Variants in LYPD6B observed in about 807,000 individuals in gnomAD.
LYPD6B encodes LY6/PLAUR domain containing 6B.
LYPD6B carries 17 observed loss-of-function variants against 22.8 expected under a neutral mutation model. The ratio of observed to expected loss-of-function variants is 0.75; its 90% CI spans 0.51 to 1.12. The LOEUF (loss-of-function observed/expected upper bound fraction) is 1.12, where lower values mean the gene tolerates loss of function less well. LYPD6B is among the 50% of genes most tolerant of loss of function. The pLI is 0.00. For synonymous variants in LYPD6B, 106 were observed against 91.6 expected (o/e 1.16, Z -0.90); for missense variants, 221 against 258.3 (o/e 0.86, Z 0.99).
intron 2 of LYPD6B, among the ~76,000 whole-genome samples, chr2:149,140,073 C>A (rs1479046880): frequency 1.3e-5 from 2 of 151,990 alleles, no homozygotes; most frequent in African/African-American, 4.8e-5. Context: ...AATTTATTGG[C>A]CTGACACCAG....
chr2:149,051,273 C>T (rs1683541548), intron 1 of LYPD6B, among the ~76,000 whole-genome samples: 1 of 151,930 alleles, frequency 6.6e-6, no homozygotes, highest in African/African-American at 2.4e-5. Context: ...TCACACCGTT[C>T]TCCTGCTCAG....
In LYPD6B at chr2:149,160,801, G is replaced by C; in HGVS notation, c.43G>C (p.Glu15Gln). ...GAGTGCAAACCTTTTCACTGTTCCA[G>C]AGAGGAGCCTGACAACCACATTCTC... ...TLSANLFTVP[E>Q]RSLTTTFSFS... is the part of the protein sequence containing the mutation. Residue 15 changes from glutamate to glutamine, a missense_variant, in exon 3 of 7, where the codon GAG becomes CAG. Coordinates refer to ENST00000409642, the MANE Select transcript of LYPD6B (RefSeq NM_177964.5). 7 of 1,556,486 alleles carry C rather than the reference G, an allele frequency of 4.5e-6. No individual in the cohort carries two copies. In the South Asian group the frequency reaches 8.3e-5, roughly 18 times the overall value.
intron 1 of LYPD6B, among the ~76,000 whole-genome samples, chr2:149,051,289 C>T (rs1055065059): frequency 1.5e-4 from 23 of 151,846 alleles, no homozygotes; most frequent in African/African-American, 5.1e-4. Flanking sequence ...CTCAGCTTCC[C>T]GAATAGCTGG....
intron 1 of LYPD6B, among the ~76,000 whole-genome samples, chr2:149,098,697 A>T (rs1248330714): frequency 6.7e-6 from 1 of 149,398 alleles, no homozygotes; most frequent in African/African-American, 2.4e-5. Context: ...AGTTAAGCTT[A>T]TCTATTGCAT....
intron 1 of LYPD6B, among the ~76,000 whole-genome samples, chr2:149,056,775 A>G (rs1344224636): frequency 6.6e-6 from 1 of 152,118 alleles, no homozygotes; most frequent in Non-Finnish European, 1.5e-5. Context: ...GTTCATCTTC[A>G]ATATGACTCG....
At chr2:149,077,164 T>G (rs1574924330) in intron 1 of LYPD6B, among the ~76,000 whole-genome samples, 1 of 152,198 alleles carries the variant, frequency 6.6e-6, no homozygotes, top group African/African-American at 2.4e-5. Context: ...CAGAACGCCC[T>G]GGCAGCTAAT....
intron 2 of LYPD6B, among the ~76,000 whole-genome samples, chr2:149,137,110 C>G (rs993727960): frequency 1.3e-5 from 2 of 152,176 alleles, no homozygotes; most frequent in Non-Finnish European, 2.9e-5. Flanking sequence ...TGAGCATCTG[C>G]TATTTTCTAG....
At chr2:149,183,770 G>A (rs13006546) in intron 3 of LYPD6B, among the ~76,000 whole-genome samples, 47,086 of 151,818 alleles carry the variant, frequency 0.31, 9,081 homozygotes, top group East Asian at 0.56. Flanking sequence ...CTCATATAGC[G>A]CACAGTAAGT....
chr2:149,188,035 G>A (rs1051805038), intron 3 of LYPD6B, among the ~76,000 whole-genome samples: 1 of 152,178 alleles, frequency 6.6e-6, no homozygotes, highest in African/African-American at 2.4e-5. Context: ...CAGGGACACA[G>A]TTTGGTTCCA....
chr2:149,071,299 C>G (rs1478294409), intron 1 of LYPD6B, among the ~76,000 whole-genome samples: 2 of 152,318 alleles, frequency 1.3e-5, no homozygotes, highest in African/African-American at 4.8e-5. Context: ...TATAGCAAAG[C>G]TCCTGTTACA....
intron 3 of LYPD6B, among the ~76,000 whole-genome samples, chr2:149,174,320 C>T (rs1691092057): frequency 6.6e-6 from 1 of 152,170 alleles, no homozygotes; most frequent in Admixed American, 6.5e-5. Flanking sequence ...AGGATTGTGT[C>T]ATCTGCCAAC....
At chr2:149,124,840 C>T (rs183594126) in intron 1 of LYPD6B, among the ~76,000 whole-genome samples, 2 of 152,252 alleles carry the variant, frequency 1.3e-5, no homozygotes, top group African/African-American at 2.4e-5. Context: ...CTTTTCCCAC[C>T]TCCCGCTCCC....
intron 1 of LYPD6B, among the ~76,000 whole-genome samples, chr2:149,118,952 A>G (rs1290070858): frequency 1.3e-5 from 2 of 152,222 alleles, no homozygotes; most frequent in African/African-American, 2.4e-5. Context: ...GTCAAAGGTA[A>G]AAAATGCAGG....
chr2:149,097,779 C>A (rs941680316), intron 1 of LYPD6B, among the ~76,000 whole-genome samples: 3 of 152,170 alleles, frequency 2.0e-5, no homozygotes, highest in African/African-American at 7.2e-5. Context: ...TAAATACATT[C>A]AATTGCTTTA....
intron 2 of LYPD6B, among the ~76,000 whole-genome samples, chr2:149,152,059 A>G (rs1689415459): frequency 6.6e-6 from 1 of 151,610 alleles, no homozygotes; most frequent in African/African-American, 2.4e-5. Flanking sequence ...TTTAAGTTCT[A>G]CCTCCTTCAT....
intron 3 of LYPD6B, among the ~76,000 whole-genome samples, chr2:149,190,843 TTA>T (rs1692441067): frequency 6.6e-6 from 1 of 152,158 alleles, no homozygotes; most frequent in Non-Finnish European, 1.5e-5. Flanking sequence ...TTTCTTCAAG[TTA>T]TATGTTTCTT....
At chr2:149,185,480 G>C (rs1483826716) in intron 3 of LYPD6B, among the ~76,000 whole-genome samples, 1 of 152,146 alleles carries the variant, frequency 6.6e-6, no homozygotes, top group Non-Finnish European at 1.5e-5. Context: ...GGTGGTTTTA[G>C]TGGGGAAAAA....
chr2:149,186,582 T>C (rs1184867042), intron 3 of LYPD6B, among the ~76,000 whole-genome samples: 1 of 152,198 alleles, frequency 6.6e-6, no homozygotes. Flanking sequence ...TGAAGGTAGT[T>C]ACACTAAACA....
intron 1 of LYPD6B, among the ~76,000 whole-genome samples, chr2:149,051,444 C>T (rs574933581): frequency 1.3e-5 from 2 of 152,166 alleles, no homozygotes; most frequent in Non-Finnish European, 1.5e-5. Flanking sequence ...GGATTACAGG[C>T]GTGAGCCACC....
Sources: gnomAD v4.1 joint callset for allele counts (sites outside exome capture counted in the v4.1 genomes callset) on GRCh38, gnomAD v4.1.1 for gene constraint, MANE v1.5 for transcripts, NCBI Gene and HGNC (gene_info 2026-07-23, HGNC 2026-07-21) for gene names.